UGT1A5: variants seen among roughly 807,000 people sequenced by gnomAD.
UGT1A5 encodes UDP-glucuronosyltransferase 1A5.
A neutral mutation model predicts 40.3 loss-of-function variants in UGT1A5; 29 were observed. The ratio of observed to expected loss-of-function variants is 0.72; its 90% CI spans 0.54 to 0.98. The LOEUF is 0.98. UGT1A5 is among the 50% of genes least tolerant of loss of function. UGT1A5 has a pLI of 0.00. For synonymous variants in UGT1A5, 257 were observed against 262.5 expected, an observed-to-expected ratio of 0.98 and a Z score of 0.20; for missense variants, 678 against 677.9, an observed-to-expected ratio of 1.00 and a Z score of 0.00.
intron 1 of UGT1A5, among the ~76,000 whole-genome samples, chr2:233,730,647 C>T (rs2078057207): frequency 6.6e-6 from 1 of 152,076 alleles, no homozygotes; most frequent in Admixed American, 6.6e-5. Flanking sequence ...GATGTGGGGA[C>T]ATCTCAGAGT....
At chr2:233,725,394 T>G (rs2077443989) in intron 1 of UGT1A5, among the ~76,000 whole-genome samples, 1 of 151,450 alleles carries the variant, frequency 6.6e-6, no homozygotes, top group Admixed American at 6.6e-5. Flanking sequence ...ATAGGTTACC[T>G]TGATGGTCTA....
intron 1 of UGT1A5, among the ~76,000 whole-genome samples, chr2:233,724,281 C>A (rs1325936815): frequency 1.8e-5 from 2 of 112,012 alleles, no homozygotes; most frequent in Non-Finnish European, 1.8e-5. Flanking sequence ...GCTGGCCGGG[C>A]GGGGGGCTGA....
intron 1 of UGT1A5, among the ~76,000 whole-genome samples, chr2:233,728,608 G>A (rs535590480): frequency 1.3e-5 from 2 of 152,290 alleles, no homozygotes; most frequent in South Asian, 4.2e-4. Context: ...CAGCCTCCAC[G>A]CTGTTCAGAG....
intron 1 of UGT1A5, among the ~76,000 whole-genome samples, chr2:233,714,807 A>G (rs1400219342): frequency 6.6e-6 from 1 of 152,236 alleles, no homozygotes; most frequent in Non-Finnish European, 1.5e-5. Context: ...CAATATTCAT[A>G]TGTAGTTAGT....
At chr2:233,756,025 C>T (rs1696093592) in intron 1 of UGT1A5, 1 of 152,194 alleles carries the variant, frequency 6.6e-6, no homozygotes, top group African/African-American at 2.4e-5. Context: ...TTACACATCC[C>T]CCATGTAGCT....
In UGT1A5 at chr2:233,769,262, G is replaced by C. The variant is rs1197405588; in HGVS notation, c.1307+823G>C. On this transcript the variant is annotated intron_variant, in intron 4 of 4. Transcript: ENST00000373414. This position sits in a 1 kb window ranked among gnomAD's most constrained non-coding sequence, Gnocchi z 4.4. The stretch of plus-strand genomic sequence containing the variant: ...TTTGCTCAAATGTGGCCCTGAAAAC[G>C]ATTCAAAGGGCAAATGATTTCTGGA... Among the ~76,000 whole-genome samples the C allele has an allele frequency of 6.6e-6, 1 of 152,184 alleles. No homozygotes were observed. Among genetic ancestry groups the C allele is most frequent in the Non-Finnish European group, 1.5e-5 (1 of 68,036 alleles).
At chr2:233,743,943 G>A in intron 1 of UGT1A5, 2 of 1,352,238 alleles carry the variant, frequency 1.5e-6, no homozygotes, top group Non-Finnish European at 9.9e-7. Flanking sequence ...GGCCCACCAG[G>A]CACTGGCACA....
In UGT1A5 at chr2:233,713,807, C is replaced by G; in HGVS notation, c.816C>G (p.Asn272Lys). The change falls in exon 1 of 5, where the codon AAC (asparagine) becomes AAG (lysine). Residue 272 changes from asparagine (N) to lysine (K), a missense_variant. Transcript: ENST00000373414. ...ATTACCCCAGGCCGATCATGCCCAACATGGTCTTCATTGGGGGCATCAACT... is the reference window on the plus strand; with the variant it reads ...ATTACCCCAGGCCGATCATGCCCAAGATGGTCTTCATTGGGGGCATCAACT... ...VMDYPRPIMP[N>K]MVFIGGINCA... is the part of the protein sequence containing the mutation. 5 of 1,614,092 alleles carry G rather than the reference C, an allele frequency of 3.1e-6. No individual in the cohort carries two copies. The highest frequency in any genetic ancestry group is 4.2e-6 in the Non-Finnish European group (5 of 1,179,982).
chr2:233,760,186 C>A (rs1697340087), intron 1 of UGT1A5: 1 of 1,558,560 alleles, frequency 6.4e-7, no homozygotes, highest in African/African-American at 1.4e-5. Flanking sequence ...TTTTTATAGT[C>A]ACGTGACACA....
At chr2:233,725,591 T>G (rs1479177749) in intron 1 of UGT1A5, among the ~76,000 whole-genome samples, 1 of 152,130 alleles carries the variant, frequency 6.6e-6, no homozygotes, top group Non-Finnish European at 1.5e-5. Context: ...ACTTAACTAT[T>G]TGACATAGTT....
chr2:233,729,695 C>A, intron 1 of UGT1A5: 1 of 1,613,928 alleles, frequency 6.2e-7, no homozygotes, highest in South Asian at 1.1e-5. Flanking sequence ...TGTCCAAACC[C>A]TTCCTCCTAT....
At chr2:233,772,217 A>G (rs759524121) in intron 4 of UGT1A5, 45 bp from the exon 5 acceptor site, 1 of 1,612,380 alleles carries the variant, frequency 6.2e-7, no homozygotes, top group South Asian at 1.1e-5. Flanking sequence ...AGGATTGTTC[A>G]TACCACAGGT....
intron 1 of UGT1A5, chr2:233,744,028 CT>C: frequency 1.1e-6 from 1 of 877,624 alleles, no homozygotes; most frequent in African/African-American, 1.8e-5. Flanking sequence ...AGAGACGCCC[CT>C]TATGACGCAG....
chr2:233,746,436 G>A (rs1200457799), intron 1 of UGT1A5, among the ~76,000 whole-genome samples: 2 of 151,690 alleles, frequency 1.3e-5, no homozygotes, highest in African/African-American at 4.9e-5. Flanking sequence ...TATGTCTTCA[G>A]CTTAAAAAGA....
chr2:233,713,829 A>G lies in UGT1A5; in HGVS notation c.838A>G (p.Asn280Asp), dbSNP rs1484751529. The G allele has an allele frequency of 1.2e-6, 2 of 1,613,982 alleles. No homozygotes were observed. Among genetic ancestry groups the G allele is most frequent in the African/African-American group, 2.7e-5 (2 of 74,918 alleles). Residue 280 changes from asparagine (N) to aspartate (D), a missense_variant, in exon 1 of 5, where the codon AAC (asparagine) becomes GAC (aspartate). Physicochemically the swap from Asn to Asp is conservative, Grantham distance 23. Coordinates refer to ENST00000373414, the MANE Select transcript of UGT1A5 (RefSeq NM_019078.2). ...MPNMVFIGGINCANGKPLSQE... is the reference protein window; with the variant it reads ...MPNMVFIGGIDCANGKPLSQE... ...CAACATGGTCTTCATTGGGGGCATC[A>G]ACTGTGCCAACGGGAAGCCACTATC... is the stretch of plus-strand genomic sequence containing the variant.
intron 1 of UGT1A5, chr2:233,761,175 A>G (rs1340390077): frequency 1.2e-6 from 2 of 1,614,094 alleles, no homozygotes; most frequent in African/African-American, 2.7e-5. Flanking sequence ...TGGGACTTTT[A>G]CATGCGTATA....
At chr2:233,767,763 C>T (rs34082659) in intron 2 of UGT1A5, 86 bp from the exon 3 acceptor site, 28,610 of 1,607,468 alleles carry the variant, frequency 0.018, 380 homozygotes, top group Admixed American at 0.044. Flanking sequence ...CTTCAGAGGA[C>T]CCCTGTTTTC....
chr2:233,747,102 A>G, intron 1 of UGT1A5: 2 of 1,361,188 alleles, frequency 1.5e-6, no homozygotes, highest in African/African-American at 2.9e-5. Context: ...CTATCTTCCA[A>G]TTACATGATG....
chr2:233,747,258 A>T, intron 1 of UGT1A5: 1 of 1,600,094 alleles, frequency 6.2e-7, no homozygotes, highest in Non-Finnish European at 8.5e-7. Context: ...TGGCCACAGG[A>T]GTGCTACTCC....
Sources: gnomAD v4.1 joint callset for allele counts (sites outside exome capture counted in the v4.1 genomes callset) on GRCh38, gnomAD v4.1.1 for gene constraint, Gnocchi (gnomAD v3.1) non-coding constraint, MANE v1.5 for transcripts, NCBI Gene and HGNC (gene_info 2026-07-23, HGNC 2026-07-21) for gene names.